NSUN4: variants seen among roughly 807,000 people sequenced by gnomAD.
NSUN4 encodes the protein 5-cytosine rRNA methyltransferase NSUN4.
NSUN4 carries 31 observed loss-of-function variants against 43.8 expected under a neutral mutation model. That is an observed-to-expected ratio of 0.71 (90% confidence interval 0.53 to 0.96). The LOEUF (loss-of-function observed/expected upper bound fraction) is 0.96, where lower values mean the gene tolerates loss of function less well. Among genes scored for constraint, NSUN4 ranks in the 40% least tolerant of loss-of-function variants. The pLI, the probability that NSUN4 is intolerant of heterozygous loss-of-function variation, is 0.00. For synonymous variants in NSUN4, 167 were observed against 184.1 expected (o/e 0.91, Z 0.75); for missense variants, 439 against 475.6 (o/e 0.92, Z 0.72).
At chr1:46,384,666 T>C in the NSUN4 span, among the ~76,000 whole-genome samples, 3 of 152,218 alleles carry the variant, frequency 2.0e-5, no homozygotes, top group African/African-American at 7.2e-5. Flanking sequence ...TGGTAGGGCT[T>C]GATCCAGGAA....
rs565300653 is a variant in NSUN4, at chr1:46,345,349, A to G, written c.437+205A>G. 4.6e-5 allele frequency: 24 copies of G among 527,190 alleles called. No individual in the cohort carries two copies. The African/African-American group carries it at 4.6e-4, about 10-fold the overall frequency. 32.7% of individuals were successfully genotyped at this position (527,190 alleles called of 1,614,324 possible). The stretch of plus-strand genomic sequence containing the variant: ...GCAGCCTTATGAAGTAGGTAATATT[A>G]TTGCTGTTTTACATTTGGAGAAACT... On this transcript the variant is annotated intron_variant, in intron 2 of 5. Coordinates refer to ENST00000474844, the MANE Select transcript of NSUN4 (RefSeq NM_199044.4).
the NSUN4 span, among the ~76,000 whole-genome samples, chr1:46,375,244 T>C: frequency 6.6e-6 from 1 of 151,978 alleles, no homozygotes; most frequent in Admixed American, 6.6e-5. Context: ...GAGACCAGCC[T>C]GACCAACATG....
intron 3 of NSUN4, 86 bp downstream of exon 3, chr1:46,347,161 G>A: frequency 7.2e-7 from 1 of 1,382,258 alleles, no homozygotes; most frequent in Non-Finnish European, 9.8e-7. Flanking sequence ...GGTTCGGCCA[G>A]GCGCAGTGGC....
At chr1:46,341,177 T>C in intron 1 of NSUN4, 1 of 1,252,318 alleles carries the variant, frequency 8.0e-7, no homozygotes, top group Non-Finnish European at 1.0e-6. Context: ...TTCATTCTTT[T>C]AGTGATGTCA....
intron 4 of NSUN4, among the ~76,000 whole-genome samples, chr1:46,358,661 A>G (rs1487279503): frequency 6.6e-6 from 1 of 151,930 alleles, no homozygotes; most frequent in Non-Finnish European, 1.5e-5. Flanking sequence ...CGGCCTCCCA[A>G]AGTGCTGGAA....
At chr1:46,353,376 A>G (rs752656746) in intron 4 of NSUN4, among the ~76,000 whole-genome samples, 1 of 152,210 alleles carries the variant, frequency 6.6e-6, no homozygotes, top group Non-Finnish European at 1.5e-5. Context: ...AGTACAGCAC[A>G]TGGTACAAAA....
rs144564318 is a variant in NSUN4 at position 46,342,549 on chromosome 1, G to T, written c.93+1630G>T. ...CATTGAGTCCCTTCTCTCCTGGGAG[G>T]CAACTGGGAACTCTTACCTCATCCT... On this transcript the variant is annotated intron_variant, in intron 1 of 5. Transcript: ENST00000474844. 1.0e-3 allele frequency: 407 copies of T among 399,238 alleles called. 3 individuals carry two copies. Among genetic ancestry groups the T allele is most frequent in the African/African-American group, 7.1e-3 (344 of 48,670 alleles). The allele number at this position is 399,238 out of a possible 1,614,324, so 24.7% of individuals were successfully genotyped here.
At chr1:46,344,585 G>C (rs948906904) in intron 1 of NSUN4, among the ~76,000 whole-genome samples, 3 of 152,054 alleles carry the variant, frequency 2.0e-5, no homozygotes, top group Non-Finnish European at 4.4e-5. Context: ...GCACAGTACC[G>C]TGAGAGTTAC....
At chr1:46,346,432 A>G (rs1569739278) in intron 2 of NSUN4, among the ~76,000 whole-genome samples, 1 of 148,814 alleles carries the variant, frequency 6.7e-6, no homozygotes, top group South Asian at 2.1e-4. Context: ...CAAGCCTGTA[A>G]TCCCAGCTAC....
chr1:46,372,737 G>A, the NSUN4 span, among the ~76,000 whole-genome samples: 4 of 151,918 alleles, frequency 2.6e-5, no homozygotes, highest in Admixed American at 2.6e-4. Flanking sequence ...TGTTGTTGTT[G>A]TTTTGAGACA....
In NSUN4 at chr1:46,347,492, A is replaced by T. The variant is rs554674866; in HGVS notation, c.592+417A>T. Among the ~76,000 whole-genome samples, 5 of 152,276 alleles carry T rather than the reference A, an allele frequency of 3.3e-5. No individual in the cohort carries two copies. In the East Asian group the frequency reaches 5.8e-4, roughly 18 times the overall value. On this transcript the variant is annotated intron_variant, in intron 3 of 5. Coordinates refer to ENST00000474844, the MANE Select transcript of NSUN4 (RefSeq NM_199044.4). ...TTCTCTAGTCCCAAAGTCAGAGTGGAGGGTAGTACTTACTTTCTAAGCTTG... is the reference window on the plus strand; with the variant it reads ...TTCTCTAGTCCCAAAGTCAGAGTGGTGGGTAGTACTTACTTTCTAAGCTTG...
the NSUN4 span, among the ~76,000 whole-genome samples, chr1:46,376,801 A>T: frequency 6.6e-6 from 1 of 151,786 alleles, no homozygotes; most frequent in Non-Finnish European, 1.5e-5. Flanking sequence ...TCTGTCACCC[A>T]GGCTGGAGTG....
At chr1:46,350,964 A>T (rs578045377) in intron 3 of NSUN4, among the ~76,000 whole-genome samples, 5 of 152,322 alleles carry the variant, frequency 3.3e-5, no homozygotes, top group Admixed American at 2.0e-4. Context: ...GACTCATTTC[A>T]TCTCCCAATT....
At chr1:46,360,249 A>AAAAAAAAATAT (rs1553177947) in intron 4 of NSUN4, among the ~76,000 whole-genome samples, 16 of 25,764 alleles carry the variant, frequency 6.2e-4, no homozygotes, top group African/African-American at 1.9e-3. Context: ...AAAAAAAAAA[A>AAAAAAAAATAT]ATATATATAT....
intron 1 of NSUN4, chr1:46,343,983 C>G (rs1662303616): frequency 2.5e-6 from 1 of 393,026 alleles, no homozygotes; most frequent in African/African-American, 2.1e-5. Flanking sequence ...GACCAAAAAT[C>G]TAGGCCAGAG....
chr1:46,384,367 T>G, the NSUN4 span, among the ~76,000 whole-genome samples: 1 of 152,082 alleles, frequency 6.6e-6, no homozygotes, highest in Non-Finnish European at 1.5e-5. Context: ...CTGGATAAGG[T>G]GGAGGATAGT....
the NSUN4 span, among the ~76,000 whole-genome samples, chr1:46,377,181 C>T: frequency 6.6e-6 from 1 of 152,038 alleles, no homozygotes; most frequent in South Asian, 2.1e-4. Context: ...TCCAGAGTAG[C>T]TGGGATTACA....
Position 46,344,795 on chromosome 1 carries a change from T to C in NSUN4, c.94-6T>C. ...AAAACCAATAAGCCTGTCCTCTCTC[T>C]TTTAGGCTGCCACAGAGCCCAAATT... On this transcript the variant is annotated splice_region_variant and splice_polypyrimidine_tract_variant and intron_variant, in intron 1 of 5. Coordinates refer to ENST00000474844, the MANE Select transcript of NSUN4 (RefSeq NM_199044.4). The C allele has an allele frequency of 6.2e-7, 1 of 1,611,590 alleles. No homozygotes were observed. The highest frequency in any genetic ancestry group is 1.7e-4 in the Middle Eastern group (1 of 6,050).
At chr1:46,340,959 T>G in intron 1 of NSUN4, 40 bp downstream of exon 1, 1 of 1,510,238 alleles carries the variant, frequency 6.6e-7, no homozygotes, top group Non-Finnish European at 9.1e-7. Context: ...AAAGTGAGGG[T>G]GGAAACTTCT....
Sources: allele counts gnomAD v4.1 joint callset (sites outside exome capture counted in the v4.1 genomes callset), GRCh38; gene constraint gnomAD v4.1.1; transcripts MANE v1.5; gene names NCBI Gene and HGNC (gene_info 2026-07-23, HGNC 2026-07-21).